Variants in ANPEP observed in about 807,000 individuals in gnomAD.
ANPEP encodes the protein aminopeptidase N.
In ANPEP, 70 loss-of-function variants were observed where a neutral mutation model predicts 114.6. The observed-to-expected ratio is 0.61, with a 90% CI of 0.50 to 0.75. The LOEUF is 0.75. Among genes scored for constraint, ANPEP ranks in the 30% least tolerant of loss-of-function variants. ANPEP has a pLI of 0.00. For synonymous variants in ANPEP, 548 were observed against 522.3 expected, an observed-to-expected ratio of 1.05 and a Z score of -0.67; for missense variants, 1,184 against 1,259.5, an observed-to-expected ratio of 0.94 and a Z score of 0.91.
rs559186583 is a variant in ANPEP at position 89,809,903 on chromosome 15, T to C, written c.-223-3097A>G. ...TCCCCAGATCATCGGGGCTTTTTCA[T>C]ACCTCTGTGACTTTGCTCATTCTGT... On this transcript the variant is annotated intron_variant, in intron 1 of 20. Coordinates refer to ENST00000300060, the MANE Select transcript of ANPEP (RefSeq NM_001150.3). 7.2e-5 allele frequency among the ~76,000 whole-genome samples: 11 copies of C among 152,322 alleles called. No homozygotes were observed. The East Asian group carries it at 1.9e-3, about 27-fold the overall frequency.
In ANPEP at chr15:89,805,371, G is replaced by C. The variant is rs755534306; in HGVS notation, c.707C>G (p.Thr236Arg). ...TGTCAGGTCCTTGGGGTGGATAAGC[G>C]TGATGTTGAACTCGGCCTTCATGGC... is the stretch of plus-strand genomic sequence containing the variant. ...EPAMKAEFNI[T>R]LIHPKDLTAL... The change falls in exon 3 of 21, where the codon ACG becomes AGG. Residue 236 changes from threonine to arginine, a missense_variant. Coordinates refer to ENST00000300060, the MANE Select transcript of ANPEP (RefSeq NM_001150.3). The C allele has an allele frequency of 1.9e-6, 3 of 1,614,166 alleles. No homozygotes were observed. Among genetic ancestry groups the C allele is most frequent in the Non-Finnish European group, 2.5e-6 (3 of 1,180,014 alleles).
rs530108950 is a variant in ANPEP, at chr15:89,810,360, C to T, written c.-223-3554G>A. ...TGCCACTGTACTCCAGCCTGGGGGA[C>T]GGTGTAAGACTCTGTCTCAAAAAAT... On this transcript the variant is annotated intron_variant, in intron 1 of 20. Coordinates refer to ENST00000300060, the MANE Select transcript of ANPEP (RefSeq NM_001150.3). Among the ~76,000 whole-genome samples, 360 of 151,228 alleles carry T rather than the reference C, an allele frequency of 2.4e-3. 2 individuals carry two copies. Among genetic ancestry groups the T allele is most frequent in the African/African-American group, 8.2e-3 (339 of 41,152 alleles).
rs540005091 is a variant in ANPEP at position 89,806,639 on chromosome 15, C to A, written c.-56G>T. ...TCAGGCCAGGCAGAGAACGGAGCAGCCCCAGGCCGGGCTTATATCCCCAAA... is the reference window on the plus strand; with the variant it reads ...TCAGGCCAGGCAGAGAACGGAGCAGACCCAGGCCGGGCTTATATCCCCAAA... On this transcript the variant is annotated 5_prime_UTR_variant, in exon 2 of 21. Coordinates refer to ENST00000300060, the MANE Select transcript of ANPEP (RefSeq NM_001150.3). The surrounding 1 kb of genome is among the most constrained non-coding windows in gnomAD (Gnocchi z 5.7). 1.3e-4 allele frequency: 198 copies of A among 1,487,404 alleles called. 1 individual carries two copies. In the African/African-American group the frequency reaches 2.6e-3, roughly 19 times the overall value. 92.1% of individuals were successfully genotyped at this position (1,487,404 alleles called of 1,614,324 possible). A position where few individuals can be genotyped will look rare whatever the true frequency, so the allele number is the denominator to read the frequency against.
At position 89,790,914 on chromosome 15, in the gene ANPEP, C is replaced by T. The variant is rs572391101; in HGVS notation, c.2669+39G>A. The T allele has an allele frequency of 1.7e-5, 27 of 1,604,678 alleles. 1 individual carries two copies. The highest frequency in any genetic ancestry group is 5.6e-5 in the South Asian group (5 of 89,440). On this transcript the variant is annotated intron_variant, in intron 19 of 20. Transcript: ENST00000300060. ...AGGCCACCCCCCGGGGCCCCAGCCT[C>T]GGCGCTCGCTGTCCCTGACACCCAT...
chr15:89,808,133 A>C (rs143403111), intron 1 of ANPEP, among the ~76,000 whole-genome samples: 3,400 of 152,194 alleles, frequency 0.022, 44 homozygotes, highest in Middle Eastern at 0.034. Context: ...CAGCCTGCCC[A>C]TTTCCTGGCC....
At chr15:89,788,444 A>G (rs537979143) in intron 20 of ANPEP, among the ~76,000 whole-genome samples, 2 of 152,212 alleles carry the variant, frequency 1.3e-5, no homozygotes, top group Non-Finnish European at 2.9e-5. Context: ...GACAGAAAGT[A>G]TATTAGTGGT....
intron 15 of ANPEP, among the ~76,000 whole-genome samples, chr15:89,795,891 C>A (rs893871349): frequency 2.0e-5 from 3 of 152,174 alleles, no homozygotes; most frequent in Non-Finnish European, 4.4e-5. Context: ...TGGAAGAGAG[C>A]AGGCAGAATA....
At chr15:89,793,702 CAAAAA>C (rs56906048) in intron 15 of ANPEP, among the ~76,000 whole-genome samples, 8 of 79,172 alleles carry the variant, frequency 1.0e-4, no homozygotes, top group South Asian at 4.8e-4. Flanking sequence ...GACTCCATCT[CAAAAA>C]AAAAAAAAAA....
intron 20 of ANPEP, among the ~76,000 whole-genome samples, chr15:89,789,105 G>A (rs778482820): frequency 8.6e-5 from 13 of 151,570 alleles, no homozygotes; most frequent in Non-Finnish European, 1.6e-4. Context: ...ACAGCCTCCC[G>A]AGTAGCTGGG....
intron 15 of ANPEP, among the ~76,000 whole-genome samples, chr15:89,794,095 G>A (rs1183403447): frequency 5.9e-5 from 9 of 152,242 alleles, no homozygotes; most frequent in South Asian, 4.1e-4. Flanking sequence ...CAGAAAGGGA[G>A]ATGTACCAGG....
At chr15:89,791,598 T>C (rs1032624661) in intron 18 of ANPEP, among the ~76,000 whole-genome samples, 2 of 118,176 alleles carry the variant, frequency 1.7e-5, no homozygotes, top group South Asian at 5.7e-4. Flanking sequence ...CCACCATGCC[T>C]ATTTTTTTTT....
intron 1 of ANPEP, among the ~76,000 whole-genome samples, chr15:89,811,028 C>T (rs1894806666): frequency 1.3e-5 from 2 of 152,324 alleles, no homozygotes; most frequent in South Asian, 4.1e-4. Context: ...ATGAGGGTAG[C>T]ACCAGGTGTG....
intron 10 of ANPEP, chr15:89,802,576 C>G (rs78639431): frequency 0.049 from 7,493 of 153,992 alleles, 599 homozygotes; most frequent in African/African-American, 0.16. Flanking sequence ...TGGCTTAAGA[C>G]GCTAGCATTG....
At chr15:89,788,194 A>G (rs190640969) in intron 20 of ANPEP, among the ~76,000 whole-genome samples, 1 of 152,372 alleles carries the variant, frequency 6.6e-6, no homozygotes, top group Non-Finnish European at 1.5e-5. Context: ...GGTCCATGAT[A>G]TTCATCACAG....
chr15:89,807,588 G>C (rs1243471138), intron 1 of ANPEP, among the ~76,000 whole-genome samples: 1 of 152,156 alleles, frequency 6.6e-6, no homozygotes, highest in Non-Finnish European at 1.5e-5. Context: ...TGTAATCCCA[G>C]CTACTTGGGA....
chr15:89,786,926 A>C (rs1197976203), intron 20 of ANPEP, among the ~76,000 whole-genome samples: 1 of 152,154 alleles, frequency 6.6e-6, no homozygotes, highest in Non-Finnish European at 1.5e-5. Context: ...GGACTTGGAC[A>C]ACCGGATATC....
Position 89,806,273 on chromosome 15 carries a change from T to C in ANPEP, c.311A>G (p.Lys104Arg). The stretch of plus-strand genomic sequence containing the variant: ...GGTGAAACGGACGGTGCTGGAGCCC[T>C]TAAAAACGTACAGGCCCCTGTCATT... ...TPNDRGLYVF[K>R]GSSTVRFTCK... The change falls in exon 2 of 21, where the codon AAG becomes AGG. Residue 104 changes from lysine (K) to arginine (R), a missense_variant. Transcript: ENST00000300060. The surrounding 1 kb of genome is among the most constrained non-coding windows in gnomAD (Gnocchi z 5.7). 6.2e-7 allele frequency: 1 copy of C among 1,614,130 alleles called. No individual in the cohort carries two copies. Among genetic ancestry groups the C allele is most frequent in the Non-Finnish European group, 8.5e-7 (1 of 1,180,038 alleles).
chr15:89,788,835 G>T (rs536516254), intron 20 of ANPEP, among the ~76,000 whole-genome samples: 1 of 151,464 alleles, frequency 6.6e-6, no homozygotes, highest in African/African-American at 2.4e-5. Flanking sequence ...GCCCAGGCTG[G>T]TCTCAAACTC....
At position 89,790,976 on chromosome 15, in the gene ANPEP, G is replaced by T; in HGVS notation, c.2646C>A (p.Ser882Arg). ...GQGLVWDFVQ[S>R]NWKKLFNDYG... ...ACTCGTTAAAAAGCTTCTTCCAGTT[G>T]CTCTGGACAAAGTCCCAGACCAGAC... Residue 882 changes from serine (S) to arginine (R), a missense_variant, in exon 19 of 21, where the codon AGC (serine) becomes AGA (arginine). Transcript: ENST00000300060. 3 of 1,614,156 alleles carry T rather than the reference G, an allele frequency of 1.9e-6. No homozygotes were observed. Among genetic ancestry groups the T allele is most frequent in the Non-Finnish European group, 2.5e-6 (3 of 1,180,014 alleles).
Sources: allele counts gnomAD v4.1 joint callset (sites outside exome capture counted in the v4.1 genomes callset), GRCh38; gene constraint gnomAD v4.1.1; non-coding constraint Gnocchi (gnomAD v3.1); transcripts MANE v1.5; gene names NCBI Gene and HGNC (gene_info 2026-07-23, HGNC 2026-07-21).